SYT17: variants seen among roughly 807,000 people sequenced by gnomAD.
The protein encoded by SYT17 is synaptotagmin 17, also known as synaptotagmin-17.
In SYT17, 22 loss-of-function variants were observed where a neutral mutation model predicts 46.7. The observed-to-expected ratio is 0.47, with a 90% confidence interval of 0.34 to 0.67. The LOEUF (loss-of-function observed/expected upper bound fraction) is 0.67. SYT17 is among the 30% of genes least tolerant of loss of function. SYT17 has a pLI of 0.01. For missense variants in SYT17, 519 were observed against 612.8 expected, an observed-to-expected ratio of 0.85 and a Z score of 1.62; for synonymous variants, 251 against 248.4, an observed-to-expected ratio of 1.01 and a Z score of -0.10.
chr16:19,212,649 G>A (rs1965950678), intron 5 of SYT17, among the ~76,000 whole-genome samples: 1 of 152,104 alleles, frequency 6.6e-6, no homozygotes, highest in African/African-American at 2.4e-5. Flanking sequence ...GAAATAAACG[G>A]GGAAGTGAGG....
In SYT17 at chr16:19,168,424, G is replaced by A. The variant is rs1963947668; in HGVS notation, c.-223G>A. The stretch of plus-strand genomic sequence containing the variant: ...TGGGCGCCCGATATCTCCGAACCGG[G>A]GAGGCGGCCCCGATTCCGAGAGCCG... On this transcript the variant is annotated 5_prime_UTR_variant, in exon 1 of 8. Transcript: ENST00000355377. The surrounding 1 kb of genome is among the most constrained non-coding windows in gnomAD (Gnocchi z 6.9). 1.6e-6 allele frequency: 1 copy of A among 607,612 alleles called. No homozygotes were observed. Among genetic ancestry groups the A allele is most frequent in the South Asian group, 2.0e-5 (1 of 49,614 alleles). 37.6% of individuals were successfully genotyped at this position (607,612 alleles called of 1,614,324 possible).
At position 19,183,799 on chromosome 16, in the gene SYT17, C is replaced by T. The variant is rs1287716626; in HGVS notation, c.603C>T (p.Leu201=). ...AGTACGACCTGCTGCACAACCACCTCACCGTGCGCGTGATCGAGGCCAGGG... is the reference window on the plus strand; with the variant it reads ...AGTACGACCTGCTGCACAACCACCTTACCGTGCGCGTGATCGAGGCCAGGG... ...STQYDLLHNH[L]TVRVIEARDL... is the part of the protein sequence containing the mutation. The change falls in exon 5 of 8, where the codon CTC becomes CTT. Residue 201 remains leucine, a synonymous_variant. Coordinates refer to ENST00000355377, the MANE Select transcript of SYT17 (RefSeq NM_016524.4). The surrounding 1 kb of genome is among the most constrained non-coding windows in gnomAD (Gnocchi z 5.6). 2 of 1,614,222 alleles carry T rather than the reference C, an allele frequency of 1.2e-6. No homozygotes were observed. Among genetic ancestry groups the T allele is most frequent in the African/African-American group, 2.7e-5 (2 of 75,072 alleles).
intron 7 of SYT17, among the ~76,000 whole-genome samples, chr16:19,248,016 G>A (rs975933086): frequency 6.6e-6 from 1 of 152,272 alleles, no homozygotes; most frequent in Admixed American, 6.5e-5. Context: ...AAGAGCTCTT[G>A]TAACTCAATA....
At chr16:19,219,563 T>G (rs1012521610) in intron 5 of SYT17, among the ~76,000 whole-genome samples, 2 of 152,192 alleles carry the variant, frequency 1.3e-5, no homozygotes, top group Non-Finnish European at 2.9e-5. Context: ...ATCAACTGCA[T>G]TGAGGCGGAA....
intron 5 of SYT17, among the ~76,000 whole-genome samples, chr16:19,186,799 C>A (rs1964808188): frequency 6.6e-6 from 1 of 152,096 alleles, no homozygotes; most frequent in Non-Finnish European, 1.5e-5. Context: ...CTTTATTATT[C>A]TTTGTTTTTT....
At chr16:19,184,881 A>G (rs1198611509) in intron 5 of SYT17, among the ~76,000 whole-genome samples, 2 of 152,180 alleles carry the variant, frequency 1.3e-5, no homozygotes, top group African/African-American at 4.8e-5. Context: ...TTTCAGGCCA[A>G]CTGTTAGATT....
chr16:19,204,894 C>T (rs370976538), intron 5 of SYT17, among the ~76,000 whole-genome samples: 39 of 152,174 alleles, frequency 2.6e-4, no homozygotes, highest in Admixed American at 7.9e-4. Context: ...GCTCCTCCGC[C>T]GGTGTTCCCC....
chr16:19,257,447 G>A (rs1036188583), intron 7 of SYT17, among the ~76,000 whole-genome samples: 9 of 150,562 alleles, frequency 6.0e-5, no homozygotes, highest in Admixed American at 2.6e-4. Flanking sequence ...TCTGAAAGAA[G>A]AAAAAAAAGA....
rs554574034 is a variant in SYT17 at position 19,181,161 on chromosome 16, G to A, written c.331+622G>A. On this transcript the variant is annotated intron_variant, in intron 4 of 7. Transcript: ENST00000355377. ...ATTGGCAATCTGGGTTTTTTTATGT[G>A]AAACATTCTTACTTTCAAGCCTAAA... 1.2e-4 allele frequency among the ~76,000 whole-genome samples: 19 copies of A among 152,274 alleles called. No homozygotes were observed. In the South Asian group the frequency reaches 1.5e-3, roughly 12 times the overall value.
intron 5 of SYT17, among the ~76,000 whole-genome samples, chr16:19,205,431 T>C (rs905629160): frequency 1.4e-5 from 2 of 138,734 alleles, no homozygotes; most frequent in Non-Finnish European, 3.2e-5. Flanking sequence ...AGAGAGGCCT[T>C]CCTTGACTTT....
chr16:19,189,239 AG>A (rs1446796196), intron 5 of SYT17, among the ~76,000 whole-genome samples: 1 of 152,058 alleles, frequency 6.6e-6, no homozygotes, highest in Non-Finnish European at 1.5e-5. Flanking sequence ...ACCCTACTCC[AG>A]TGTGACCTCA....
intron 7 of SYT17, among the ~76,000 whole-genome samples, chr16:19,239,062 G>A (rs1353388184): frequency 2.0e-5 from 3 of 152,020 alleles, no homozygotes; most frequent in Non-Finnish European, 4.4e-5. Flanking sequence ...AGGATTGCTC[G>A]GGGCTGGGAG....
chr16:19,192,275 G>A (rs776224563), intron 5 of SYT17, among the ~76,000 whole-genome samples: 1 of 152,050 alleles, frequency 6.6e-6, no homozygotes, highest in Non-Finnish European at 1.5e-5. Flanking sequence ...ACAAAAATTA[G>A]CTGGGTGTGG....
chr16:19,230,686 C>T (rs1247746562), intron 7 of SYT17, among the ~76,000 whole-genome samples: 1 of 152,130 alleles, frequency 6.6e-6, no homozygotes, highest in Non-Finnish European at 1.5e-5. Flanking sequence ...AATAGTTAGG[C>T]GTAATAGTTA....
At chr16:19,178,125 C>T (rs563186299) in intron 3 of SYT17, among the ~76,000 whole-genome samples, 1 of 152,040 alleles carries the variant, frequency 6.6e-6, no homozygotes, top group African/African-American at 2.4e-5. Flanking sequence ...GCTCTGTCGC[C>T]CAGGCTGGAG....
intron 7 of SYT17, among the ~76,000 whole-genome samples, chr16:19,262,904 G>A (rs913456067): frequency 1.4e-4 from 22 of 152,200 alleles, no homozygotes; most frequent in Admixed American, 1.4e-3. Context: ...AAGGTGGGCT[G>A]AGGGGTAGGC....
At chr16:19,191,930 G>A (rs74851758) in intron 5 of SYT17, among the ~76,000 whole-genome samples, 91 of 152,152 alleles carry the variant, frequency 6.0e-4, no homozygotes, top group Non-Finnish European at 1.1e-3. Context: ...GACTACAGGC[G>A]CCCGCCACCA....
chr16:19,174,378 T>C (rs1253263852), intron 3 of SYT17, among the ~76,000 whole-genome samples: 1 of 152,098 alleles, frequency 6.6e-6, no homozygotes, highest in Non-Finnish European at 1.5e-5. Flanking sequence ...AGTCATCAAG[T>C]GAGCTTGTCA....
intron 7 of SYT17, among the ~76,000 whole-genome samples, chr16:19,255,313 C>CTGA (rs758658570): frequency 1.2e-4 from 19 of 152,252 alleles, no homozygotes; most frequent in Admixed American, 3.3e-4. Context: ...CACACTTACA[C>CTGA]TGATATTTGG....
Sources: allele counts gnomAD v4.1 joint callset (sites outside exome capture counted in the v4.1 genomes callset), GRCh38; gene constraint gnomAD v4.1.1; non-coding constraint Gnocchi (gnomAD v3.1); transcripts MANE v1.5; gene names NCBI Gene and HGNC (gene_info 2026-07-23, HGNC 2026-07-21).